MIB1: variants seen among roughly 807,000 people sequenced by gnomAD.
MIB1 encodes the protein MIB E3 ubiquitin protein ligase 1, also known as E3 ubiquitin-protein ligase MIB1.
Under a neutral mutation model 124.5 loss-of-function variants are expected in MIB1, and 278 were observed. The observed-to-expected ratio is 2.23, with a 90% CI of 2.02 to 2.47. The LOEUF (loss-of-function observed/expected upper bound fraction) is 2.47, where lower values mean the gene tolerates loss of function less well. Ranked by LOEUF, MIB1 falls within the 30% of genes most tolerant of loss-of-function variation. The pLI, the probability that MIB1 is intolerant of heterozygous loss-of-function variation, is 0.00. For missense variants in MIB1, 957 were observed against 1,254.4 expected, an observed-to-expected ratio of 0.76 and a Z score of 3.58; for synonymous variants, 446 against 429.4, an observed-to-expected ratio of 1.04 and a Z score of -0.48.
chr18:21,759,002 A>G (rs1232441409), intron 1 of MIB1, among the ~76,000 whole-genome samples: 4 of 152,078 alleles, frequency 2.6e-5, no homozygotes, highest in African/African-American at 9.7e-5. Flanking sequence ...AATATAACCA[A>G]TAACTGGGAA....
intron 3 of MIB1, among the ~76,000 whole-genome samples, chr18:21,772,752 G>A (rs912095951): frequency 1.2e-4 from 18 of 152,028 alleles, no homozygotes; most frequent in Non-Finnish European, 5.9e-5. Flanking sequence ...TGTTGTCTGG[G>A]TTTCCATGGT....
At chr18:21,808,337 T>C (rs897669657) in intron 10 of MIB1, among the ~76,000 whole-genome samples, 2 of 152,232 alleles carry the variant, frequency 1.3e-5, no homozygotes, top group Non-Finnish European at 2.9e-5. Context: ...AAAGTATTGT[T>C]GAAACACAGC....
At chr18:21,715,234 G>A (rs1226556493) in intron 1 of MIB1, among the ~76,000 whole-genome samples, 1 of 152,190 alleles carries the variant, frequency 6.6e-6, no homozygotes, top group Non-Finnish European at 1.5e-5. Flanking sequence ...TGGTAGACTT[G>A]CTGGGTGGCT....
At chr18:21,848,328 A>G (rs1215313844) in intron 16 of MIB1, among the ~76,000 whole-genome samples, 5 of 151,972 alleles carry the variant, frequency 3.3e-5, no homozygotes, top group Admixed American at 6.6e-5. Context: ...CATGCCTATA[A>G]TCCCAGCTAC....
At chr18:21,738,239 A>G (rs2040804412), upstream of MIB1, among the ~76,000 whole-genome samples, 1 of 152,238 alleles carries the variant, frequency 6.6e-6, no homozygotes, top group African/African-American at 2.4e-5. Flanking sequence ...CTCTCAGACC[A>G]TAGTGCAATC....
chr18:21,752,133 C>T (rs1421597956), intron 1 of MIB1, among the ~76,000 whole-genome samples: 1 of 152,222 alleles, frequency 6.6e-6, no homozygotes. Flanking sequence ...CCAGCTTGAG[C>T]TGGTCAGCCT....
intron 12 of MIB1, chr18:21,828,261 T>C (rs962123907): frequency 8.6e-5 from 13 of 151,978 alleles, no homozygotes. Flanking sequence ...TTCTTTTAAA[T>C]ATTTGGTAGT....
intron 11 of MIB1, among the ~76,000 whole-genome samples, chr18:21,818,883 T>C (rs1338722581): frequency 6.6e-6 from 1 of 152,076 alleles, no homozygotes; most frequent in East Asian, 1.9e-4. Context: ...TGCAGTGAGC[T>C]GAGATCGCGC....
At position 21,826,436 on chromosome 18, in the gene MIB1, G is replaced by A. The variant is rs902618559; in HGVS notation, c.1829+6790G>A. 15 of 152,194 alleles carry A rather than the reference G, an allele frequency of 9.9e-5. 1 individual carries two copies. Among genetic ancestry groups the A allele is most frequent in the Admixed American group, 7.9e-4 (12 of 15,270 alleles). 9.4% of individuals were successfully genotyped at this position (152,194 alleles called of 1,614,324 possible). On this transcript the variant is annotated intron_variant, in intron 12 of 20. Coordinates refer to ENST00000261537, the MANE Select transcript of MIB1 (RefSeq NM_020774.4). The stretch of plus-strand genomic sequence containing the variant: ...CCAGTTTTTCTTTGTTTTTGCTTAC[G>A]TGGTGTTACTAATCATAGCTTAGTA...
chr18:21,861,257 T>C (rs1345844541), intron 20 of MIB1, among the ~76,000 whole-genome samples: 1 of 152,022 alleles, frequency 6.6e-6, no homozygotes, highest in African/African-American at 2.4e-5. Flanking sequence ...AAATAAAACA[T>C]TTAATATATC....
rs766091514 is a variant in MIB1, at chr18:21,867,252, G to C, written c.*2586G>C. On this transcript the variant is annotated 3_prime_UTR_variant, in exon 21 of 21. Coordinates refer to ENST00000261537, the MANE Select transcript of MIB1 (RefSeq NM_020774.4). ...AAGGAATCTGTAGTTAAAAGGAAGA[G>C]ATCCAAAGGTCCTGATAACATTTCC... 2 of 152,292 alleles carry C rather than the reference G, an allele frequency of 1.3e-5. No individual in the cohort carries two copies. Among genetic ancestry groups the C allele is most frequent in the Non-Finnish European group, 2.9e-5 (2 of 68,028 alleles). 9.4% of individuals were successfully genotyped at this position (152,292 alleles called of 1,614,324 possible).
intron 1 of MIB1, among the ~76,000 whole-genome samples, chr18:21,730,938 T>C (rs1437831380): frequency 6.6e-6 from 1 of 152,226 alleles, no homozygotes; most frequent in African/African-American, 2.4e-5. Context: ...CAGTGTTTCA[T>C]GCTTTCCCCC....
intron 1 of MIB1, among the ~76,000 whole-genome samples, chr18:21,724,724 AAAAATATATATATAT>A (rs1453020776): frequency 1.6e-5 from 1 of 61,384 alleles, no homozygotes; most frequent in Admixed American, 2.1e-4. Flanking sequence ...AAAAAAAAAA[AAAAATATATATATAT>A]ATATATATAT....
intron 12 of MIB1, among the ~76,000 whole-genome samples, chr18:21,822,096 GT>G (rs958472136): frequency 2.6e-5 from 4 of 152,170 alleles, no homozygotes; most frequent in African/African-American, 9.7e-5. Flanking sequence ...ATCACAAGAT[GT>G]TATATGATCA....
rs1555697728 is a variant in MIB1 at position 21,870,790 on chromosome 18, G to GA, written c.*6130dup. The GA allele has an allele frequency of 6.6e-6, 1 of 151,948 alleles. No individual in the cohort carries two copies. Among genetic ancestry groups the GA allele is most frequent in the Non-Finnish European group, 1.5e-5 (1 of 67,962 alleles). The allele number at this position is 151,948 out of a possible 1,614,324, so 9.4% of individuals were successfully genotyped here. On this transcript the variant is annotated 3_prime_UTR_variant, in exon 21 of 21. Transcript: ENST00000261537. ...CTGAAAAAATATCTTTTGTTTATTT[G>GA]AAAAAAGCATATATATTCCAACTTT...
At chr18:21,823,673 A>G (rs978947988) in intron 12 of MIB1, among the ~76,000 whole-genome samples, 1 of 152,194 alleles carries the variant, frequency 6.6e-6, no homozygotes, top group Non-Finnish European at 1.5e-5. Context: ...ATAAATTTTC[A>G]CTATGAGACC....
intron 1 of MIB1, among the ~76,000 whole-genome samples, chr18:21,735,597 C>T (rs935373654): frequency 6.6e-6 from 1 of 152,166 alleles, no homozygotes; most frequent in Admixed American, 6.5e-5. Context: ...CCCATCCCCA[C>T]AGAGCCCAGC....
chr18:21,804,479 T>G (rs567073866), intron 10 of MIB1, among the ~76,000 whole-genome samples: 3 of 152,366 alleles, frequency 2.0e-5, no homozygotes, highest in Non-Finnish European at 1.5e-5. Context: ...AATGCATGTT[T>G]ATCACCATAT....
intron 10 of MIB1, among the ~76,000 whole-genome samples, chr18:21,812,192 A>G (rs1371463288): frequency 6.6e-6 from 1 of 152,168 alleles, no homozygotes; most frequent in East Asian, 1.9e-4. Flanking sequence ...GGTGACGACA[A>G]AGAGCACTCC....
Sources: gnomAD v4.1 joint callset for allele counts (sites outside exome capture counted in the v4.1 genomes callset) on GRCh38, gnomAD v4.1.1 for gene constraint, MANE v1.5 for transcripts, NCBI Gene and HGNC (gene_info 2026-07-23, HGNC 2026-07-21) for gene names.